Variants in DAW1 observed in about 807,000 individuals in gnomAD.
DAW1 encodes the protein dynein assembly factor with WD repeat domains 1.
DAW1 carries 47 observed loss-of-function variants against 56.5 expected under a neutral mutation model. The ratio of observed to expected loss-of-function variants is 0.83; its 90% confidence interval spans 0.66 to 1.06. The LOEUF (loss-of-function observed/expected upper bound fraction) is 1.06, where lower values mean the gene tolerates loss of function less well. Ranked by LOEUF, DAW1 falls within the 50% of genes least tolerant of loss-of-function variation. DAW1 has a pLI of 0.00. For missense variants in DAW1, 505 were observed against 499.3 expected, an observed-to-expected ratio of 1.01 and a Z score of -0.11; for synonymous variants, 190 against 179.0, an observed-to-expected ratio of 1.06 and a Z score of -0.49.
At chr2:227,916,092 T>A (rs754811250) in intron 10 of DAW1, among the ~76,000 whole-genome samples, 1 of 152,142 alleles carries the variant, frequency 6.6e-6, no homozygotes, top group East Asian at 1.9e-4. Context: ...TGATGCAACA[T>A]TATGTCTTCA....
intron 1 of DAW1, chr2:227,876,435 A>T: frequency 7.7e-7 from 1 of 1,302,538 alleles, no homozygotes; most frequent in Non-Finnish European, 1.0e-6. Context: ...TTAATTTCTG[A>T]ATTCCAGTCT....
At chr2:227,875,334 T>C (rs1335100111) in intron 1 of DAW1, among the ~76,000 whole-genome samples, 1 of 152,192 alleles carries the variant, frequency 6.6e-6, no homozygotes, top group Non-Finnish European at 1.5e-5. Context: ...ATGGCTCTGT[T>C]AGAACATAAA....
At position 227,893,854 on chromosome 2, in the gene DAW1, A is replaced by G; in HGVS notation, c.377A>G (p.Glu126Gly). The G allele has an allele frequency of 6.2e-7, 1 of 1,614,002 alleles. No individual in the cohort carries two copies. Among genetic ancestry groups the G allele is most frequent in the East Asian group, 2.2e-5 (1 of 44,864 alleles). ...CTCTGGGACACTGCGTCTGGAGAGGAGCTGAACACGCTGGAGGGCCACAGG... is the reference window on the plus strand; with the variant it reads ...CTCTGGGACACTGCGTCTGGAGAGGGGCTGAACACGCTGGAGGGCCACAGG... ...CKLWDTASGE[E>G]LNTLEGHRNV... Residue 126 changes from glutamate to glycine, a missense_variant, in exon 5 of 13, where the codon GAG becomes GGG. Transcript: ENST00000309931.
chr2:227,894,165 G>C (rs936368747), intron 5 of DAW1, among the ~76,000 whole-genome samples: 3 of 152,214 alleles, frequency 2.0e-5, no homozygotes, highest in Admixed American at 2.0e-4. Flanking sequence ...ACTCTGGGAG[G>C]CCGAGGCGGT....
At chr2:227,898,089 A>C (rs899858452) in intron 5 of DAW1, 93 bp from the exon 6 acceptor site, 4 of 713,872 alleles carry the variant, frequency 5.6e-6, no homozygotes, top group Non-Finnish European at 8.0e-6. Flanking sequence ...AAGTGAAGTA[A>C]ATTTTTTACT....
chr2:227,921,551 A>T lies in DAW1; in HGVS notation c.1203A>T (p.Ile401=). The change falls in exon 12 of 13, where the codon ATA becomes ATT. Residue 401 remains isoleucine (I), a synonymous_variant. Coordinates refer to ENST00000309931, the MANE Select transcript of DAW1 (RefSeq NM_178821.3). ...FSCAFNYKGN[I]VITGSKDNTC... ...GTGCTTTCAACTATAAAGGCAACAT[A>T]GTCATTACAGGTATGGAAGACATCA... 6.2e-7 allele frequency: 1 copy of T among 1,613,840 alleles called. No homozygotes were observed. The highest frequency in any genetic ancestry group is 2.2e-5 in the East Asian group (1 of 44,860).
chr2:227,887,724 C>G (rs867101711), intron 2 of DAW1: 1 of 152,200 alleles, frequency 6.6e-6, no homozygotes, highest in Non-Finnish European at 1.5e-5. Context: ...TCGTGCTGTG[C>G]TTTCCTGAGG....
In DAW1 at chr2:227,923,920, A is replaced by C. The variant is rs1692166094; in HGVS notation, c.1214-14A>C. 2 of 1,613,668 alleles carry C rather than the reference A, an allele frequency of 1.2e-6. No individual in the cohort carries two copies. Among genetic ancestry groups the C allele is most frequent in the Middle Eastern group, 1.6e-4 (1 of 6,062 alleles). ...ATGAAGAAAAAAATAACTGCATGAAATCTGTTTTATTAGGCAGCAAGGATA... is the reference window on the plus strand; with the variant it reads ...ATGAAGAAAAAAATAACTGCATGAACTCTGTTTTATTAGGCAGCAAGGATA... On this transcript the variant is annotated splice_polypyrimidine_tract_variant and intron_variant, in intron 12 of 12. Transcript: ENST00000309931.
At chr2:227,919,196 G>GAAAAAAAAAAAAAAAAA (rs199807073) in intron 11 of DAW1, among the ~76,000 whole-genome samples, 1 of 108,042 alleles carries the variant, frequency 9.3e-6, no homozygotes, top group African/African-American at 3.7e-5. Context: ...ACCCTATCTA[G>GAAAAAAAAAAAAAAAAA]AAAAAAAAAA....
In DAW1 at chr2:227,921,495, C is replaced by G. The variant is rs753625891; in HGVS notation, c.1147C>G (p.Leu383Val). 6.2e-7 allele frequency: 1 copy of G among 1,613,954 alleles called. No individual in the cohort carries two copies. The highest frequency in any genetic ancestry group is 1.1e-5 in the South Asian group (1 of 91,062). The change falls in exon 12 of 13, where the codon CTT becomes GTT. Residue 383 changes from leucine (L) to valine (V), a missense_variant. Physicochemically the swap from Leu to Val is conservative, Grantham distance 32. Coordinates refer to ENST00000309931, the MANE Select transcript of DAW1 (RefSeq NM_178821.3). ...DAQTGQCLQV[L>V]EGHTDEIFSC... ...TCAGACTGGCCAGTGCCTCCAGGTT[C>G]TTGAGGGGCACACTGATGAAATCTT...
At chr2:227,899,501 C>A (rs1408892780) in intron 6 of DAW1, among the ~76,000 whole-genome samples, 1 of 152,200 alleles carries the variant, frequency 6.6e-6, no homozygotes, top group Admixed American at 6.5e-5. Context: ...AACCACCTCT[C>A]CTGTAACTGT....
intron 1 of DAW1, among the ~76,000 whole-genome samples, chr2:227,881,378 G>A (rs1691005336): frequency 6.6e-6 from 1 of 152,230 alleles, no homozygotes; most frequent in South Asian, 2.1e-4. Flanking sequence ...CAGGCCTGCT[G>A]TGCTTAAATC....
chr2:227,876,860 G>A (rs144104014), intron 1 of DAW1, among the ~76,000 whole-genome samples: 2 of 152,282 alleles, frequency 1.3e-5, no homozygotes, highest in Middle Eastern at 3.4e-3. Flanking sequence ...GACAATTTTT[G>A]TATTTCATTT....
chr2:227,883,531 T>C (rs1691056649), intron 1 of DAW1, among the ~76,000 whole-genome samples: 1 of 152,254 alleles, frequency 6.6e-6, no homozygotes, highest in Admixed American at 6.5e-5. Flanking sequence ...GATTCTATAT[T>C]GCAACTAATT....
At position 227,894,167 on chromosome 2, in the gene DAW1, C is replaced by T. The variant is rs150022468; in HGVS notation, c.440+250C>T. On this transcript the variant is annotated intron_variant, in intron 5 of 12. Transcript: ENST00000309931. ...CTGTAATCCTAGCACTCTGGGAGGC[C>T]GAGGCGGTGGATCACTTGAGCTCAG... 1.7e-3 allele frequency among the ~76,000 whole-genome samples: 251 copies of T among 152,074 alleles called. 1 individual carries two copies. Among genetic ancestry groups the T allele is most frequent in the African/African-American group, 5.6e-3 (234 of 41,486 alleles).
intron 1 of DAW1, chr2:227,876,370 T>G: frequency 1.7e-6 from 2 of 1,185,260 alleles, no homozygotes; most frequent in Non-Finnish European, 2.2e-6. Flanking sequence ...TGTTTGCGAC[T>G]ATTGCCTTAA....
At chr2:227,911,640 A>C (rs2106210860) in intron 10 of DAW1, among the ~76,000 whole-genome samples, 1 of 152,178 alleles carries the variant, frequency 6.6e-6, no homozygotes, top group Non-Finnish European at 1.5e-5. Context: ...TGATGCTATA[A>C]TATATTTACT....
In DAW1 at chr2:227,906,332, C is replaced by T. The variant is rs1296575520; in HGVS notation, c.852C>T (p.Thr284=). The change falls in exon 9 of 13, where the codon ACC becomes ACT. Residue 284 remains threonine (T), a synonymous_variant. Coordinates refer to ENST00000309931, the MANE Select transcript of DAW1 (RefSeq NM_178821.3). ...SLILTGSMDK[T]CKLWDATNGK... The stretch of plus-strand genomic sequence containing the variant: ...TATTAACTGGCTCTATGGACAAAAC[C>T]TGCAAGGTGAGCAAAATAAATAAAT... 2 of 1,606,620 alleles carry T rather than the reference C, an allele frequency of 1.2e-6. No individual in the cohort carries two copies. The highest frequency in any genetic ancestry group is 1.7e-6 in the Non-Finnish European group (2 of 1,175,292).
chr2:227,874,008 C>T (rs1690816139), intron 1 of DAW1, among the ~76,000 whole-genome samples: 1 of 152,170 alleles, frequency 6.6e-6, no homozygotes, highest in Non-Finnish European at 1.5e-5. Context: ...TTAAATTAGG[C>T]ATAGGTAGAT....
Sources: allele counts gnomAD v4.1 joint callset (sites outside exome capture counted in the v4.1 genomes callset), GRCh38; gene constraint gnomAD v4.1.1; transcripts MANE v1.5; gene names NCBI Gene and HGNC (gene_info 2026-07-23, HGNC 2026-07-21).